The following GLIS3 variants were observed in gnomAD, a reference collection of about 807,000 sequenced individuals.
GLIS3 encodes the protein zinc finger protein GLIS3.
In GLIS3, 53 loss-of-function variants were observed where a neutral mutation model predicts 78.6. The ratio of observed to expected loss-of-function variants is 0.67; its 90% CI spans 0.54 to 0.85. The LOEUF is 0.85. GLIS3 is among the 40% of genes least tolerant of loss of function. The pLI, the probability that GLIS3 is intolerant of heterozygous loss-of-function variation, is 0.00. For synonymous variants in GLIS3, 684 were observed against 509.9 expected (o/e 1.34, Z -4.60); for missense variants, 1,703 against 1,231.1 (o/e 1.38, Z -5.74).
chr9:4,205,863 T>A (rs982808217), intron 2 of GLIS3, among the ~76,000 whole-genome samples: 8 of 152,248 alleles, frequency 5.3e-5, no homozygotes, highest in Non-Finnish European at 8.8e-5. Context: ...TAAATATGGA[T>A]GACTTCTCCT....
At chr9:4,233,847 G>C (rs1822485802) in intron 2 of GLIS3, among the ~76,000 whole-genome samples, 1 of 152,216 alleles carries the variant, frequency 6.6e-6, no homozygotes. Context: ...ATCATCATCA[G>C]TGATTTTAGT....
chr9:4,184,011 A>T (rs1326986870), intron 2 of GLIS3, among the ~76,000 whole-genome samples: 1 of 152,224 alleles, frequency 6.6e-6, no homozygotes, highest in African/African-American at 2.4e-5. Context: ...TTTTATTTCC[A>T]TAGGAAATCA....
chr9:4,359,442 G>A, the GLIS3 span, among the ~76,000 whole-genome samples: 3 of 152,152 alleles, frequency 2.0e-5, no homozygotes, highest in African/African-American at 4.8e-5. Flanking sequence ...CTACTGTAAT[G>A]AGACTAAATC....
At chr9:3,931,568 C>T (rs1825618180) in intron 6 of GLIS3, among the ~76,000 whole-genome samples, 1 of 152,130 alleles carries the variant, frequency 6.6e-6, no homozygotes, top group South Asian at 2.1e-4. Context: ...ATAGAAGATA[C>T]TCACTGATCC....
chr9:4,059,829 T>TGTGTGTGTGTGTGTGAGAGAGAGA, intron 4 of GLIS3, among the ~76,000 whole-genome samples: 5 of 100,648 alleles, frequency 5.0e-5, no homozygotes, highest in African/African-American at 1.4e-4. Context: ...TGTGTGTGTG[T>TGTGTGTGTGTGTGTGAGAGAGAGA]GAGAGAGAGA....
chr9:4,039,289 G>A (rs985875553), intron 4 of GLIS3, among the ~76,000 whole-genome samples: 1 of 151,886 alleles, frequency 6.6e-6, no homozygotes, highest in African/African-American at 2.4e-5. Context: ...TTGAAGACTT[G>A]ACTGAAAAAA....
chr9:4,188,612 A>T (rs1818028057), intron 2 of GLIS3, among the ~76,000 whole-genome samples: 1 of 152,154 alleles, frequency 6.6e-6, no homozygotes, highest in Non-Finnish European at 1.5e-5. Flanking sequence ...TTCAGCTGTG[A>T]ATCCATCTGG....
chr9:4,085,250 T>A (rs1828919856), intron 4 of GLIS3, among the ~76,000 whole-genome samples: 1 of 143,938 alleles, frequency 6.9e-6, no homozygotes, highest in Non-Finnish European at 1.5e-5. Context: ...AGTTTGCCTC[T>A]ATCACTGATG....
chr9:4,192,520 C>T (rs1446663228), intron 2 of GLIS3, among the ~76,000 whole-genome samples: 1 of 152,226 alleles, frequency 6.6e-6, no homozygotes, highest in African/African-American at 2.4e-5. Flanking sequence ...ACTGCCTGTA[C>T]TGGTTTCAAC....
At chr9:4,175,081 A>G (rs1280132441) in intron 2 of GLIS3, among the ~76,000 whole-genome samples, 1 of 152,192 alleles carries the variant, frequency 6.6e-6, no homozygotes, top group African/African-American at 2.4e-5. Flanking sequence ...AAGAGCAGGC[A>G]TTTTAAGCAG....
intron 4 of GLIS3, among the ~76,000 whole-genome samples, chr9:3,967,023 AAAAAAAAAAAC>A (rs1308910590): frequency 1.2e-4 from 17 of 145,026 alleles, no homozygotes; most frequent in South Asian, 4.3e-4. Context: ...AAAAAAAAAA[AAAAAAAAAAAC>A]AAAAAAACAT....
At chr9:4,156,290 C>A (rs900217042) in intron 2 of GLIS3, among the ~76,000 whole-genome samples, 1 of 152,078 alleles carries the variant, frequency 6.6e-6, no homozygotes, top group Non-Finnish European at 1.5e-5. Flanking sequence ...AGTCTCTGCC[C>A]TTTCCTACAC....
intron 1 of GLIS3, among the ~76,000 whole-genome samples, chr9:4,289,630 A>G (rs1350855460): frequency 1.3e-5 from 2 of 152,126 alleles, no homozygotes; most frequent in Admixed American, 6.5e-5. Flanking sequence ...TCTGTTCTCC[A>G]TCGAACTACT....
chr9:4,178,749 G>C (rs960443425), intron 2 of GLIS3, among the ~76,000 whole-genome samples: 8 of 152,160 alleles, frequency 5.3e-5, no homozygotes, highest in African/African-American at 1.9e-4. Context: ...TTGATCAGAA[G>C]TCTTTCACTG....
chr9:3,926,466 A>G (rs1219956527), intron 6 of GLIS3, among the ~76,000 whole-genome samples: 1 of 151,792 alleles, frequency 6.6e-6, no homozygotes, highest in African/African-American at 2.4e-5. Flanking sequence ...TCCTGACCTC[A>G]TGATCCGCCT....
chr9:4,052,741 G>C (rs1310849960), intron 4 of GLIS3, among the ~76,000 whole-genome samples: 1 of 152,124 alleles, frequency 6.6e-6, no homozygotes, highest in Admixed American at 6.5e-5. Context: ...CATTTGAGTT[G>C]TTTCCATCTT....
At chr9:3,852,207 T>C (rs1019291095) in intron 9 of GLIS3, among the ~76,000 whole-genome samples, 3 of 152,066 alleles carry the variant, frequency 2.0e-5, no homozygotes, top group African/African-American at 4.8e-5. Context: ...GGCACCTGCA[T>C]AGTTTGCTAA....
At chr9:4,331,342 G>A (rs1817682074) in intron 2 of GLIS3, among the ~76,000 whole-genome samples, 1 of 152,004 alleles carries the variant, frequency 6.6e-6, no homozygotes, top group Admixed American at 6.6e-5. Flanking sequence ...TGGTTTTAGG[G>A]CACACTTTTA....
Position 4,274,154 on chromosome 9 carries a change from G to T in GLIS3, c.388+11884C>A, listed in dbSNP as rs564580312. ...AAAGGTCACCATAGTGGTAAAGCCT[G>T]AACTGGACAATGGGTCTTGGCCCCA... On this transcript the variant is annotated intron_variant, in intron 2 of 10. Transcript: ENST00000381971. Among the ~76,000 whole-genome samples, 4 of 152,254 alleles carry T rather than the reference G, an allele frequency of 2.6e-5. No individual in the cohort carries two copies. The East Asian group carries it at 7.7e-4, about 29-fold the overall frequency.
Sources: gnomAD v4.1 joint callset for allele counts (sites outside exome capture counted in the v4.1 genomes callset) on GRCh38, gnomAD v4.1.1 for gene constraint, MANE v1.5 for transcripts, NCBI Gene and HGNC (gene_info 2026-07-23, HGNC 2026-07-21) for gene names.